The following PCDHB16 variants were observed in gnomAD, a reference collection of about 807,000 sequenced individuals.
The protein encoded by PCDHB16 is protocadherin beta 16.
For synonymous variants in PCDHB16, 444 were observed against 436.5 expected, an observed-to-expected ratio of 1.02 and a Z score of -0.21; for missense variants, 1,026 against 989.9, an observed-to-expected ratio of 1.04 and a Z score of -0.49.
In PCDHB16 at chr5:141,183,905, C is replaced by G. The variant is rs1753639068; in HGVS notation, c.1346C>G (p.Pro449Arg). The change falls in exon 1 of 1, where the codon CCC becomes CGC. Residue 449 changes from proline to arginine, a missense_variant. Coordinates refer to ENST00000609684, the MANE Select transcript of PCDHB16 (RefSeq NM_020957.4). Reference protein sequence around the residue: ...VQISDVNDNAPTFTQTSYTLF... With the variant: ...VQISDVNDNARTFTQTSYTLF... The stretch of plus-strand genomic sequence containing the variant: ...ATATCAGATGTCAATGATAACGCCC[C>G]CACTTTCACCCAAACCTCCTACACC... 6.2e-7 allele frequency: 1 copy of G among 1,614,160 alleles called. No homozygotes were observed. The highest frequency in any genetic ancestry group is 2.2e-5 in the East Asian group (1 of 44,870).
Position 141,185,774 on chromosome 5 carries a change from C to T in PCDHB16, c.*884C>T. The T allele has an allele frequency of 3.0e-6, 3 of 986,124 alleles. No homozygotes were observed. Among genetic ancestry groups the T allele is most frequent in the Non-Finnish European group, 3.7e-6 (3 of 817,480 alleles). The allele number at this position is 986,124 out of a possible 1,614,324, so 61.1% of individuals were successfully genotyped here. A position where few individuals can be genotyped will look rare whatever the true frequency, so the allele number is the denominator to read the frequency against. On this transcript the variant is annotated 3_prime_UTR_variant, in exon 1 of 1. Coordinates refer to ENST00000609684, the MANE Select transcript of PCDHB16 (RefSeq NM_020957.4). ...CCTTTAAAAAAAAAGTTCTATTTTC[C>T]CTGTATTGGTATCTCCTTAAATAAA...
chr5:141,184,280 A>G lies in PCDHB16; in HGVS notation c.1721A>G (p.Glu574Gly). ...CAGAACGGCTCCGCGCCCTGCACTG[A>G]GCTGGTGCCCCGGGCGGCCGAGCCG... ...PLQNGSAPCTELVPRAAEPGY... is the reference protein window; with the variant it reads ...PLQNGSAPCTGLVPRAAEPGY... The change falls in exon 1 of 1, where the codon GAG becomes GGG. Residue 574 changes from glutamate to glycine, a missense_variant. Glu to Gly is a moderately conservative substitution (Grantham distance 98, BLOSUM62 -2). Coordinates refer to ENST00000609684, the MANE Select transcript of PCDHB16 (RefSeq NM_020957.4). The G allele has an allele frequency of 6.3e-7, 1 of 1,595,604 alleles. No individual in the cohort carries two copies. The highest frequency in any genetic ancestry group is 8.5e-7 in the Non-Finnish European group (1 of 1,173,504).
chr5:141,184,693 CG>C lies in PCDHB16; in HGVS notation c.2136del (p.Leu713CysfsTer27), dbSNP rs1753677210. 6.2e-7 allele frequency: 1 copy of C among 1,612,280 alleles called. No homozygotes were observed. On this transcript the variant is annotated frameshift_variant, in exon 1 of 1. Transcript: ENST00000609684. LOFTEE classifies it low-confidence loss of function (END_TRUNC). Reference protein sequence around the residue: ...LFSVLLFVAVRLCRRSRAASV... With the variant: ...LFSVLLFVAVXLCRRSRAASV... ...TTCGGTGCTCCTGTTCGTGGCGGTG[CG>C]GCTGTGCAGGAGGAGCAGGGCGGCC... is the stretch of plus-strand genomic sequence containing the variant.
Position 141,183,211 on chromosome 5 carries a change from G to T in PCDHB16, c.652G>T (p.Gly218Cys). 1 of 1,614,126 alleles carries T rather than the reference G, an allele frequency of 6.2e-7. No homozygotes were observed. ...ATTAACCCTGACAGCGCTGGATGGTGGCTCTCCACCGCGATCTGGAACTGC... is the reference window on the plus strand; with the variant it reads ...ATTAACCCTGACAGCGCTGGATGGTTGCTCTCCACCGCGATCTGGAACTGC... ...LRLTLTALDG[G>C]SPPRSGTAQV... The change falls in exon 1 of 1, where the codon GGC becomes TGC. Residue 218 changes from glycine (G) to cysteine (C), a missense_variant. By Grantham distance (159) the Gly-to-Cys change is radical. Transcript: ENST00000609684.
rs199980560 is a variant in PCDHB16 at position 141,183,811 on chromosome 5, A to G, written c.1252A>G (p.Asn418Asp). The change falls in exon 1 of 1, where the codon AAT becomes GAT. Residue 418 changes from asparagine (N) to aspartate (D), a missense_variant. Transcript: ENST00000609684. ...CGACAGAGAAGCAAGAGCTGAATAT[A>G]ATATCACCCTCACCGTCACAGATAT... ...ALDREARAEYNITLTVTDMGT... is the reference protein window; with the variant it reads ...ALDREARAEYDITLTVTDMGT... 9.9e-5 allele frequency: 160 copies of G among 1,614,090 alleles called. No individual in the cohort carries two copies. Among genetic ancestry groups the G allele is most frequent in the Admixed American group, 1.7e-4 (10 of 60,010 alleles).
rs985932131 is a variant in PCDHB16, at chr5:141,184,913, A to G, written c.*23A>G. ...TAGGGCACTAGGAAAGAAATAGATT[A>G]AAATTCCACCCTTCACAATAGCTTT... On this transcript the variant is annotated 3_prime_UTR_variant, in exon 1 of 1. Transcript: ENST00000609684. The G allele has an allele frequency of 1.2e-6, 2 of 1,609,216 alleles. No individual in the cohort carries two copies. Among genetic ancestry groups the G allele is most frequent in the Non-Finnish European group, 1.7e-6 (2 of 1,177,514 alleles).
Position 141,185,149 on chromosome 5 carries a change from A to G in PCDHB16, c.*259A>G, listed in dbSNP as rs551332514. The G allele has an allele frequency of 8.1e-7, 1 of 1,229,618 alleles. No individual in the cohort carries two copies. The highest frequency in any genetic ancestry group is 3.7e-5 in the East Asian group (1 of 27,106). The allele number at this position is 1,229,618 out of a possible 1,614,324, so 76.2% of individuals were successfully genotyped here. A position where few individuals can be genotyped will look rare whatever the true frequency, so the allele number is the denominator to read the frequency against. Reference sequence around the variant, plus strand: ...AATCCCAATTAACAAAATATACTTTATCTTCAAAGTTGATGTCATTTAAAA... The same window carrying G: ...AATCCCAATTAACAAAATATACTTTGTCTTCAAAGTTGATGTCATTTAAAA... On this transcript the variant is annotated 3_prime_UTR_variant, in exon 1 of 1. Coordinates refer to ENST00000609684, the MANE Select transcript of PCDHB16 (RefSeq NM_020957.4).
chr5:141,182,881 G>T lies in PCDHB16; in HGVS notation c.322G>T (p.Val108Leu), dbSNP rs781999570. Reference sequence around the variant, plus strand: ...TGAGCCTTGCATACTACATTTCCAAGTGTTAATGGAAAACCCTTTAGAAAT... The same window carrying T: ...TGAGCCTTGCATACTACATTTCCAATTGTTAATGGAAAACCCTTTAGAAAT... ...PTEPCILHFQ[V>L]LMENPLEIFQ... is the part of the protein sequence containing the mutation. The change falls in exon 1 of 1, where the codon GTG becomes TTG. Residue 108 changes from valine (V) to leucine (L), a missense_variant. Physicochemically the swap from Val to Leu is conservative, Grantham distance 32. Coordinates refer to ENST00000609684, the MANE Select transcript of PCDHB16 (RefSeq NM_020957.4). 3 of 1,614,036 alleles carry T rather than the reference G, an allele frequency of 1.9e-6. No individual in the cohort carries two copies. The highest frequency in any genetic ancestry group is 2.5e-6 in the Non-Finnish European group (3 of 1,180,032).
Position 141,183,258 on chromosome 5 carries a change from G to A in PCDHB16, c.699G>A (p.Val233=), listed in dbSNP as rs1554282113. The change falls in exon 1 of 1, where the codon GTG becomes GTA. Residue 233 remains valine, a synonymous_variant. Transcript: ENST00000609684. ...SGTAQVRIEV[V]DINDNAPEFE... ...CTGCTCAGGTCCGTATTGAAGTGGT[G>A]GACATCAATGATAACGCTCCTGAGT... 1 of 1,614,106 alleles carries A rather than the reference G, an allele frequency of 6.2e-7. No homozygotes were observed. Among genetic ancestry groups the A allele is most frequent in the Admixed American group, 1.7e-5 (1 of 60,024 alleles).
At position 141,182,910 on chromosome 5, in the gene PCDHB16, T is replaced by G; in HGVS notation, c.351T>G (p.Phe117Leu). ...QVLMENPLEIFQAELRVIDIN... is the reference protein window; with the variant it reads ...QVLMENPLEILQAELRVIDIN... Reference sequence around the variant, plus strand: ...TAATGGAAAACCCTTTAGAAATATTTCAGGCTGAACTGAGGGTGATAGATA... The same window carrying G: ...TAATGGAAAACCCTTTAGAAATATTGCAGGCTGAACTGAGGGTGATAGATA... The change falls in exon 1 of 1, where the codon TTT becomes TTG. Residue 117 changes from phenylalanine (F) to leucine (L), a missense_variant. By Grantham distance (22) the Phe-to-Leu change is conservative. Coordinates refer to ENST00000609684, the MANE Select transcript of PCDHB16 (RefSeq NM_020957.4). 1 of 1,614,164 alleles carries G rather than the reference T, an allele frequency of 6.2e-7. No individual in the cohort carries two copies. The highest frequency in any genetic ancestry group is 8.5e-7 in the Non-Finnish European group (1 of 1,180,032).
Position 141,184,493 on chromosome 5 carries a change from A to G in PCDHB16, c.1934A>G (p.Lys645Arg). 1 of 1,609,166 alleles carries G rather than the reference A, an allele frequency of 6.2e-7. No individual in the cohort carries two copies. Among genetic ancestry groups the G allele is most frequent in the Non-Finnish European group, 8.5e-7 (1 of 1,179,602 alleles). The stretch of plus-strand genomic sequence containing the variant: ...AAGCAGAGGCTGGTGGTGCTGGTCA[A>G]GGACAATGGCGAGCCTCCGCGCTCG... ...AAKQRLVVLVKDNGEPPRSAT... is the reference protein window; with the variant it reads ...AAKQRLVVLVRDNGEPPRSAT... The change falls in exon 1 of 1, where the codon AAG (lysine) becomes AGG (arginine). Residue 645 changes from lysine to arginine, a missense_variant. Physicochemically the swap from Lys to Arg is conservative, Grantham distance 26. Transcript: ENST00000609684.
At position 141,183,108 on chromosome 5, in the gene PCDHB16, T is replaced by C. The variant is rs17844640; in HGVS notation, c.549T>C (p.His183=). The C allele has an allele frequency of 6.2e-7, 1 of 1,614,186 alleles. No individual in the cohort carries two copies. The highest frequency in any genetic ancestry group is 8.5e-7 in the Non-Finnish European group (1 of 1,180,020). ...SPSSHFRVLI[H]EFRDGRKYPE... The stretch of plus-strand genomic sequence containing the variant: ...GCTCTCATTTCCGGGTTCTAATCCA[T>C]GAATTCAGAGATGGCAGGAAATACC... Residue 183 remains histidine (H), a synonymous_variant, in exon 1 of 1, where the codon CAT becomes CAC. Transcript: ENST00000609684.
In PCDHB16 at chr5:141,183,759, T is replaced by G. The variant is rs1554282215; in HGVS notation, c.1200T>G (p.Phe400Leu). The change falls in exon 1 of 1, where the codon TTT becomes TTG. Residue 400 changes from phenylalanine (F) to leucine (L), a missense_variant. Coordinates refer to ENST00000609684, the MANE Select transcript of PCDHB16 (RefSeq NM_020957.4). ...PFLLKPSVKNFYTLVTERALD... is the reference protein window; with the variant it reads ...PFLLKPSVKNLYTLVTERALD... ...TTCTAAAACCTTCAGTCAAGAACTT[T>G]TACACCTTGGTAACGGAGAGAGCAC... The G allele has an allele frequency of 6.2e-7, 1 of 1,614,134 alleles. No homozygotes were observed. The highest frequency in any genetic ancestry group is 1.7e-5 in the Admixed American group (1 of 60,024).
In PCDHB16 at chr5:141,182,432, C is replaced by T. The variant is rs1406804805; in HGVS notation, c.-128C>T. 2.2e-5 allele frequency: 16 copies of T among 739,434 alleles called. No homozygotes were observed. The highest frequency in any genetic ancestry group is 3.6e-5 in the African/African-American group (2 of 56,276). 45.8% of individuals were successfully genotyped at this position (739,434 alleles called of 1,614,324 possible). On this transcript the variant is annotated 5_prime_UTR_variant, in exon 1 of 1. It adds an upstream start codon to the 5' untranslated region. Transcript: ENST00000609684. ...AGAAGAATAGCTGAGCCAGAGCGAA[C>T]GTGAGTGTGAAACCTCTTTAAGACA...
Position 141,183,565 on chromosome 5 carries a change from C to A in PCDHB16, c.1006C>A (p.Gln336Lys). 1 of 1,614,178 alleles carries A rather than the reference C, an allele frequency of 6.2e-7. No individual in the cohort carries two copies. Among genetic ancestry groups the A allele is most frequent in the East Asian group, 2.2e-5 (1 of 44,872 alleles). ...TTCAGGAAAGTGCACTCTTCTCCTG[C>A]AGGTGGTGGACGTGAATGACAATCC... Reference protein sequence around the residue: ...GLSGKCTLLLQVVDVNDNPPQ... With the variant: ...GLSGKCTLLLKVVDVNDNPPQ... Residue 336 changes from glutamine to lysine, a missense_variant, in exon 1 of 1, where the codon CAG becomes AAG. Coordinates refer to ENST00000609684, the MANE Select transcript of PCDHB16 (RefSeq NM_020957.4).
Position 141,183,270 on chromosome 5 carries a change from T to C in PCDHB16, c.711T>C (p.Asp237=). The change falls in exon 1 of 1, where the codon GAT becomes GAC. Residue 237 remains aspartate, a synonymous_variant. Coordinates refer to ENST00000609684, the MANE Select transcript of PCDHB16 (RefSeq NM_020957.4). ...GTATTGAAGTGGTGGACATCAATGA[T>C]AACGCTCCTGAGTTTGAGCAGCCCA... ...QVRIEVVDIN[D]NAPEFEQPIY... 6.2e-7 allele frequency: 1 copy of C among 1,614,194 alleles called. No individual in the cohort carries two copies. The highest frequency in any genetic ancestry group is 8.5e-7 in the Non-Finnish European group (1 of 1,180,022).
Position 141,185,241 on chromosome 5 carries a change from A to G in PCDHB16, c.*351A>G, listed in dbSNP as rs1204344843. 6 of 1,005,056 alleles carry G rather than the reference A, an allele frequency of 6.0e-6. No homozygotes were observed. Among genetic ancestry groups the G allele is most frequent in the African/African-American group, 5.2e-5 (3 of 57,224 alleles). 62.3% of individuals were successfully genotyped at this position (1,005,056 alleles called of 1,614,324 possible). A position where few individuals can be genotyped will look rare whatever the true frequency, so the allele number is the denominator to read the frequency against. On this transcript the variant is annotated 3_prime_UTR_variant, in exon 1 of 1. Transcript: ENST00000609684. ...TGCTCCATTTTTCATGTTACTTCTCAGTTTCCTAGAACTTCAAGTATTAAA... is the reference window on the plus strand; with the variant it reads ...TGCTCCATTTTTCATGTTACTTCTCGGTTTCCTAGAACTTCAAGTATTAAA...
In PCDHB16 at chr5:141,184,585, GC is replaced by G. The variant is rs1753672051; in HGVS notation, c.2027del (p.Ala676GlyfsTer64). ...CCAGCCCTTCCTGCCGCTCCCAGAGGCGGCCCCCGGCCAGACCCAGGCCAAC... is the reference window on the plus strand; with the variant it reads ...CCAGCCCTTCCTGCCGCTCCCAGAGGGGCCCCCGGCCAGACCCAGGCCAAC... Reference protein sequence around the residue: ...FSQPFLPLPEAAPGQTQANSL... With the variant: ...FSQPFLPLPEXAPGQTQANSL... On this transcript the variant is annotated frameshift_variant, in exon 1 of 1. Coordinates refer to ENST00000609684, the MANE Select transcript of PCDHB16 (RefSeq NM_020957.4). LOFTEE classifies it low-confidence loss of function (END_TRUNC). 1 of 1,612,240 alleles carries G rather than the reference GC, an allele frequency of 6.2e-7. No individual in the cohort carries two copies. The highest frequency in any genetic ancestry group is 8.5e-7 in the Non-Finnish European group (1 of 1,179,806).
Position 141,182,941 on chromosome 5 carries a change from G to A in PCDHB16, c.382G>A (p.Asp128Asn). ...TGAACTGAGGGTGATAGATATAAAT[G>A]ACCATTCTCCCATGTTCACTGAAAA... ...QAELRVIDIN[D>N]HSPMFTEKEM... Residue 128 changes from aspartate to asparagine, a missense_variant, in exon 1 of 1, where the codon GAC (aspartate) becomes AAC (asparagine). By Grantham distance (23) the Asp-to-Asn change is conservative. Coordinates refer to ENST00000609684, the MANE Select transcript of PCDHB16 (RefSeq NM_020957.4). 1 of 1,614,080 alleles carries A rather than the reference G, an allele frequency of 6.2e-7. No individual in the cohort carries two copies. Among genetic ancestry groups the A allele is most frequent in the Admixed American group, 1.7e-5 (1 of 60,030 alleles).
Sources: allele counts gnomAD v4.1 joint callset, GRCh38; gene constraint gnomAD v4.1.1; transcripts MANE v1.5; gene names NCBI Gene and HGNC (gene_info 2026-07-23, HGNC 2026-07-21).